RNPS1: variants seen among roughly 807,000 people sequenced by gnomAD.
The protein encoded by RNPS1 is RNA binding protein with serine rich domain 1.
For synonymous variants in RNPS1, 147 were observed against 150.0 expected, an observed-to-expected ratio of 0.98 and a Z score of 0.15; for missense variants, 300 against 427.6, an observed-to-expected ratio of 0.70 and a Z score of 2.63.
chr16:2,253,462 T>G lies in RNPS1; in HGVS notation c.*502A>C. On this transcript the variant is annotated 3_prime_UTR_variant, in exon 8 of 8. Coordinates refer to ENST00000320225, the MANE Select transcript of RNPS1 (RefSeq NM_080594.4). ...AACCACGAGCAGCAACTACCATGGG[T>G]GAGAGGATCTTTGAGGGGGTGTGAC... is the stretch of plus-strand genomic sequence containing the variant. The G allele has an allele frequency of 4.7e-6, 1 of 211,102 alleles. No individual in the cohort carries two copies. 13.1% of individuals were successfully genotyped at this position (211,102 alleles called of 1,614,324 possible).
In RNPS1 at chr16:2,264,768, C is replaced by A; in HGVS notation, c.-117-8G>T. The A allele has an allele frequency of 1.3e-6, 2 of 1,525,912 alleles. No individual in the cohort carries two copies. Among genetic ancestry groups the A allele is most frequent in the Non-Finnish European group, 1.7e-6 (2 of 1,144,064 alleles). 94.5% of individuals were successfully genotyped at this position (1,525,912 alleles called of 1,614,324 possible). ...TTTACGCCAAAGAGCAGCCTAATAA[C>A]AAGATAAAAGGGTTTAAAGAGTGAA... On this transcript the variant is annotated splice_polypyrimidine_tract_variant and splice_region_variant and intron_variant, in intron 1 of 7. Transcript: ENST00000320225.
chr16:2,254,348 T>C (rs1277164872), intron 7 of RNPS1, among the ~76,000 whole-genome samples: 1 of 151,766 alleles, frequency 6.6e-6, no homozygotes, highest in Non-Finnish European at 1.5e-5. Context: ...TCTCACTCTG[T>C]TGCCCAGGCT....
intron 7 of RNPS1, among the ~76,000 whole-genome samples, chr16:2,254,957 T>A (rs954285666): frequency 2.0e-5 from 3 of 151,960 alleles, no homozygotes; most frequent in African/African-American, 7.3e-5. Context: ...TTAGCCAGGG[T>A]GGTCTCGATC....
Position 2,262,440 on chromosome 16 carries a change from A to G in RNPS1, c.523-9T>C. On this transcript the variant is annotated splice_polypyrimidine_tract_variant and intron_variant, in intron 5 of 7. Transcript: ENST00000320225. ...ATCTCCATGATGTGATCCTAGAGGG[A>G]AAGAAGGGTCACGCCAACGCCCAGC... is the stretch of plus-strand genomic sequence containing the variant. The G allele has an allele frequency of 6.2e-7, 1 of 1,613,896 alleles. No individual in the cohort carries two copies. The highest frequency in any genetic ancestry group is 8.5e-7 in the Non-Finnish European group (1 of 1,179,934).
At chr16:2,259,255 G>T (rs1357047421) in intron 6 of RNPS1, among the ~76,000 whole-genome samples, 2 of 152,064 alleles carry the variant, frequency 1.3e-5, no homozygotes, top group Non-Finnish European at 2.9e-5. Flanking sequence ...GGCTTTGTTT[G>T]GGCTGTATTT....
chr16:2,261,904 T>A (rs1234915284), intron 6 of RNPS1, among the ~76,000 whole-genome samples: 1 of 152,202 alleles, frequency 6.6e-6, no homozygotes, highest in Non-Finnish European at 1.5e-5. Flanking sequence ...AGTTAATAGA[T>A]TAAAAGTCAG....
chr16:2,255,190 C>T (rs1029300512), intron 7 of RNPS1, among the ~76,000 whole-genome samples: 14 of 152,226 alleles, frequency 9.2e-5, no homozygotes, highest in Non-Finnish European at 1.9e-4. Context: ...CCACCGGCAA[C>T]GGAAGACCAA....
chr16:2,263,834 T>C, intron 3 of RNPS1: 1 of 280,516 alleles, frequency 3.6e-6, no homozygotes. Context: ...GCCTCAGCCC[T>C]CCCAAGTAGC....
chr16:2,260,076 T>C (rs1479052001), intron 6 of RNPS1, among the ~76,000 whole-genome samples: 1 of 151,888 alleles, frequency 6.6e-6, no homozygotes, highest in African/African-American at 2.4e-5. Flanking sequence ...GGAACAAAAC[T>C]TGGAGCATAT....
intron 6 of RNPS1, among the ~76,000 whole-genome samples, chr16:2,260,284 T>A (rs1001118504): frequency 6.6e-6 from 1 of 151,300 alleles, no homozygotes; most frequent in African/African-American, 2.4e-5. Context: ...GCCTCCCAAG[T>A]AGCTGGGACC....
Position 2,264,777 on chromosome 16 carries a change from A to C in RNPS1, c.-117-17T>G. The C allele has an allele frequency of 2.7e-6, 4 of 1,488,440 alleles. No homozygotes were observed. The highest frequency in any genetic ancestry group is 3.6e-6 in the Non-Finnish European group (4 of 1,126,190). 92.2% of individuals were successfully genotyped at this position (1,488,440 alleles called of 1,614,324 possible). A position where few individuals can be genotyped will look rare whatever the true frequency, so the allele number is the denominator to read the frequency against. ...AAGAGCAGCCTAATAACAAGATAAA[A>C]GGGTTTAAAGAGTGAACGAATTGGC... On this transcript the variant is annotated splice_polypyrimidine_tract_variant and intron_variant, in intron 1 of 7. Transcript: ENST00000320225.
chr16:2,256,435 G>C (rs2093578583), intron 6 of RNPS1: 1 of 151,158 alleles, frequency 6.6e-6, no homozygotes, highest in Admixed American at 6.6e-5. Context: ...GCGTGTGCCT[G>C]TAATCGCAGC....
intron 5 of RNPS1, 116 bp downstream of exon 5, chr16:2,262,624 C>G: frequency 1.9e-6 from 2 of 1,038,898 alleles, no homozygotes; most frequent in Non-Finnish European, 2.9e-6. Context: ...CAATGCTGTA[C>G]TCAAACCACA....
rs560445549 is a variant in RNPS1, at chr16:2,260,444, A to G, written c.676+1834T>C. On this transcript the variant is annotated intron_variant, in intron 6 of 7. Coordinates refer to ENST00000320225, the MANE Select transcript of RNPS1 (RefSeq NM_080594.4). ...ACGTATTCTTAATTTATAGCAATAT[A>G]GTTATTTGCGTAAGTGCAATAAAAA... 7.2e-5 allele frequency among the ~76,000 whole-genome samples: 11 copies of G among 152,294 alleles called. No individual in the cohort carries two copies. In the South Asian group the frequency reaches 1.9e-3, roughly 26 times the overall value.
chr16:2,262,920 T>C (rs1279700178), intron 4 of RNPS1, 78 bp from the exon 5 acceptor site: 1 of 1,364,652 alleles, frequency 7.3e-7, no homozygotes, highest in African/African-American at 1.4e-5. Flanking sequence ...TAAGCTCTTA[T>C]CTGCTTGTGT....
At chr16:2,262,550 C>T in intron 5 of RNPS1, 119 bp from the exon 6 acceptor site, 7 of 1,123,188 alleles carry the variant, frequency 6.2e-6, no homozygotes, top group Non-Finnish European at 9.2e-6. Flanking sequence ...CTGATGAGTA[C>T]CAGTGTTGTT....
At chr16:2,257,565 A>G (rs1244940041) in intron 6 of RNPS1, 3 of 152,170 alleles carry the variant, frequency 2.0e-5, no homozygotes, top group Non-Finnish European at 4.4e-5. Flanking sequence ...TCTTACGAAA[A>G]GTTGGAATGT....
intron 6 of RNPS1, chr16:2,258,803 T>C (rs1306873840): frequency 6.6e-6 from 1 of 152,062 alleles, no homozygotes; most frequent in African/African-American, 2.4e-5. Flanking sequence ...GGGTATCATC[T>C]AGTTTTTCTG....
chr16:2,255,144 T>A (rs1385168145), intron 7 of RNPS1, among the ~76,000 whole-genome samples: 1 of 152,188 alleles, frequency 6.6e-6, no homozygotes, highest in African/African-American at 2.4e-5. Context: ...AGCCCAGGCT[T>A]TCCTCCTCTT....
Sources: allele counts gnomAD v4.1 joint callset (sites outside exome capture counted in the v4.1 genomes callset), GRCh38; gene constraint gnomAD v4.1.1; transcripts MANE v1.5; gene names NCBI Gene and HGNC (gene_info 2026-07-23, HGNC 2026-07-21).